The following NPAS3 variants were observed in gnomAD, a reference collection of about 807,000 sequenced individuals.
The protein encoded by NPAS3 is neuronal PAS domain protein 3.
NPAS3 carries 14 observed loss-of-function variants against 73.1 expected under a neutral mutation model. The ratio of observed to expected loss-of-function variants is 0.19; its 90% CI spans 0.13 to 0.30. The LOEUF (loss-of-function observed/expected upper bound fraction) is 0.30, where lower values mean the gene tolerates loss of function less well. Ranked by LOEUF, NPAS3 falls within the 10% of genes least tolerant of loss-of-function variation. The pLI is 1.00. For missense variants in NPAS3, 1,096 were observed against 1,250.0 expected (o/e 0.88, Z 1.86); for synonymous variants, 620 against 541.5 (o/e 1.14, Z -2.01).
At chr14:33,465,709 T>G (rs17101301) in intron 4 of NPAS3, among the ~76,000 whole-genome samples, 10,484 of 152,208 alleles carry the variant, frequency 0.069, 721 homozygotes, top group East Asian at 0.33. Flanking sequence ...TAAATAAAAA[T>G]GGCCATTACG....
chr14:33,532,199 C>T (rs1056837945), intron 4 of NPAS3, among the ~76,000 whole-genome samples: 13 of 152,140 alleles, frequency 8.5e-5, no homozygotes, highest in African/African-American at 3.1e-4. Context: ...AGGAAAATCA[C>T]ATTACAGTAA....
At chr14:33,634,878 C>A (rs535999456) in intron 5 of NPAS3, among the ~76,000 whole-genome samples, 1 of 152,162 alleles carries the variant, frequency 6.6e-6, no homozygotes, top group Admixed American at 6.5e-5. Context: ...TTCCCCAGGC[C>A]AGCAGCATCA....
At chr14:33,115,947 T>C (rs1456717451) in intron 2 of NPAS3, among the ~76,000 whole-genome samples, 2 of 152,096 alleles carry the variant, frequency 1.3e-5, no homozygotes, top group Non-Finnish European at 2.9e-5. Flanking sequence ...CAGAACTCCA[T>C]ATTTTGGGAG....
At chr14:33,220,071 G>A (rs1048442949) in intron 3 of NPAS3, among the ~76,000 whole-genome samples, 27 of 152,166 alleles carry the variant, frequency 1.8e-4, no homozygotes, top group African/African-American at 4.3e-4. Context: ...ACACCCAGCC[G>A]ATGACATTCT....
chr14:33,664,690 T>C lies in NPAS3; in HGVS notation c.559-11521T>C, dbSNP rs184233243. Among the ~76,000 whole-genome samples, 155 of 152,234 alleles carry C rather than the reference T, an allele frequency of 1.0e-3. 1 individual carries two copies. Among genetic ancestry groups the C allele is most frequent in the South Asian group, 5.8e-3 (28 of 4,824 alleles). On this transcript the variant is annotated intron_variant, in intron 5 of 11. Transcript: ENST00000356141. ...TATAAGAAAAAACCCCATCAAAAAG[T>C]AGGCAAAGGATATAAACAGACAGTT...
At chr14:33,706,875 G>T (rs1358761284) in intron 6 of NPAS3, among the ~76,000 whole-genome samples, 1 of 152,126 alleles carries the variant, frequency 6.6e-6, no homozygotes. Flanking sequence ...CCTCAAAGAA[G>T]GAAACAAGAA....
chr14:33,088,771 C>A (rs2042120352), intron 2 of NPAS3, among the ~76,000 whole-genome samples: 3 of 152,136 alleles, frequency 2.0e-5, no homozygotes, highest in Admixed American at 6.5e-5. Flanking sequence ...TGGGAGGAAC[C>A]CCCCAGTAGG....
intron 9 of NPAS3, among the ~76,000 whole-genome samples, chr14:33,792,558 CT>C (rs1428372103): frequency 2.1e-5 from 3 of 146,036 alleles, no homozygotes; most frequent in Non-Finnish European, 4.5e-5. Context: ...AGTGACTTCC[CT>C]TCACACCCAT....
At chr14:33,142,743 C>T (rs1595538714) in intron 2 of NPAS3, among the ~76,000 whole-genome samples, 1 of 152,256 alleles carries the variant, frequency 6.6e-6, no homozygotes, top group East Asian at 1.9e-4. Context: ...AGGAATATGA[C>T]ACATATCTAT....
At chr14:33,543,469 A>G (rs1328109102) in intron 4 of NPAS3, among the ~76,000 whole-genome samples, 1 of 152,084 alleles carries the variant, frequency 6.6e-6, no homozygotes, top group Non-Finnish European at 1.5e-5. Context: ...TTCAAATACA[A>G]CTGATTTTTC....
At chr14:33,035,879 G>T (rs1391801094) in intron 1 of NPAS3, among the ~76,000 whole-genome samples, 1 of 152,182 alleles carries the variant, frequency 6.6e-6, no homozygotes, top group Non-Finnish European at 1.5e-5. Context: ...TTTCCTAGTG[G>T]ATGTGTGGCT....
At chr14:32,971,724 A>G (rs2037432523) in intron 1 of NPAS3, among the ~76,000 whole-genome samples, 1 of 152,120 alleles carries the variant, frequency 6.6e-6, no homozygotes, top group African/African-American at 2.4e-5. Context: ...ATACTTTTCC[A>G]GAATGTGTTT....
intron 4 of NPAS3, among the ~76,000 whole-genome samples, chr14:33,480,534 C>T (rs2051268291): frequency 1.5e-5 from 2 of 130,048 alleles, no homozygotes; most frequent in African/African-American, 5.5e-5. Context: ...TCCCCCTCCC[C>T]GCCCCGCCCC....
intron 5 of NPAS3, among the ~76,000 whole-genome samples, chr14:33,577,594 C>G (rs976089986): frequency 1.3e-5 from 2 of 152,184 alleles, no homozygotes; most frequent in East Asian, 3.9e-4. Flanking sequence ...CCTCTGCATT[C>G]CATCTCATAT....
chr14:33,689,378 T>C (rs1057094010), intron 6 of NPAS3, among the ~76,000 whole-genome samples: 3 of 152,186 alleles, frequency 2.0e-5, no homozygotes, highest in African/African-American at 7.2e-5. Flanking sequence ...AGAGTCAGTG[T>C]TCAGTTAGTA....
intron 1 of NPAS3, among the ~76,000 whole-genome samples, chr14:33,046,123 G>A (rs778865162): frequency 6.6e-6 from 1 of 152,188 alleles, no homozygotes; most frequent in African/African-American, 2.4e-5. Context: ...TAAAAGTCAC[G>A]AGCTTGGTAA....
rs1342941315 is a variant in NPAS3, at chr14:33,676,077, A to G, written c.559-134A>G. ...AGAATTCTTAAGTATTTGAAGATGA[A>G]GACAGAACCAGGATTGTTTCTGGGA... On this transcript the variant is annotated intron_variant, in intron 5 of 11. Transcript: ENST00000356141. 3.7e-6 allele frequency: 3 copies of G among 804,162 alleles called. No individual in the cohort carries two copies. In the Admixed American group the frequency reaches 8.3e-5, roughly 22 times the overall value. 49.8% of individuals were successfully genotyped at this position (804,162 alleles called of 1,614,324 possible).
intron 1 of NPAS3, among the ~76,000 whole-genome samples, chr14:33,054,696 T>C (rs2040823272): frequency 6.6e-6 from 1 of 150,826 alleles, no homozygotes; most frequent in Non-Finnish European, 1.5e-5. Flanking sequence ...CATTGCAAAC[T>C]CTGCCTCCCA....
At chr14:33,595,763 C>T (rs765776026) in intron 5 of NPAS3, among the ~76,000 whole-genome samples, 25 of 152,080 alleles carry the variant, frequency 1.6e-4, no homozygotes, top group Non-Finnish European at 2.9e-4. Context: ...ATCCGCCGCC[C>T]GGGTTCACGC....
Sources: allele counts gnomAD v4.1 joint callset (sites outside exome capture counted in the v4.1 genomes callset), GRCh38; gene constraint gnomAD v4.1.1; transcripts MANE v1.5; gene names NCBI Gene and HGNC (gene_info 2026-07-23, HGNC 2026-07-21).